SETDB1: variants seen among roughly 807,000 people sequenced by gnomAD.
The protein encoded by SETDB1 is SET domain bifurcated histone lysine methyltransferase 1, also known as histone-lysine N-methyltransferase SETDB1.
SETDB1 carries 31 observed loss-of-function variants against 137.4 expected under a neutral mutation model. The observed-to-expected ratio is 0.23, with a 90% confidence interval of 0.17 to 0.30. SETDB1 has a LOEUF of 0.30. Ranked by LOEUF, SETDB1 falls within the 10% of genes least tolerant of loss-of-function variation. The pLI is 1.00. For missense variants in SETDB1, 1,113 were observed against 1,631.5 expected (o/e 0.68, Z 5.47); for synonymous variants, 548 against 579.9 (o/e 0.95, Z 0.79).
At position 150,957,310 on chromosome 1, in the gene SETDB1, C is replaced by T. The variant is rs1670672753; in HGVS notation, c.2334-1868C>T. Among the ~76,000 whole-genome samples the T allele has an allele frequency of 2.0e-5, 3 of 151,982 alleles. 1 individual carries two copies. In the South Asian group the frequency reaches 6.2e-4, roughly 32 times the overall value. ...TTGAACCCAGGAAGCGGAGGTTGGG[C>T]GACAAAGCGAGACTGTGTCTCAAAA... is the stretch of plus-strand genomic sequence containing the variant. On this transcript the variant is annotated intron_variant, in intron 14 of 21. Transcript: ENST00000692827.
chr1:150,947,149 C>A (rs1670355538), intron 10 of SETDB1, 137 bp downstream of exon 10: 1 of 1,011,474 alleles, frequency 9.9e-7, no homozygotes, highest in South Asian at 1.7e-5. Context: ...TGAGTTGTTT[C>A]CAATCATGGT....
chr1:150,949,214 ACAGCTC>A lies in SETDB1; in HGVS notation c.1363_1368del (p.Ala455_Pro456del), dbSNP rs768967602. On this transcript the variant is annotated inframe_deletion, in exon 11 of 22. Coordinates refer to ENST00000692827, the MANE Select transcript of SETDB1 (RefSeq NM_001366418.1). ...CAAGCCAGTGGAACCCCCACAGCCT[ACAGCTC>A]CACCTGCCCCACCTTTCCCACCTGC... The A allele has an allele frequency of 6.2e-7, 1 of 1,614,094 alleles. No homozygotes were observed. Among genetic ancestry groups the A allele is most frequent in the Admixed American group, 1.7e-5 (1 of 60,006 alleles).
chr1:150,961,209 ACT>A lies in SETDB1; in HGVS notation c.3132+21_3132+22del, dbSNP rs763762186. 61 of 1,610,084 alleles carry A rather than the reference ACT, an allele frequency of 3.8e-5. No individual in the cohort carries two copies. Among genetic ancestry groups the A allele is most frequent in the Middle Eastern group, 2.1e-4 (1 of 4,678 alleles). ...AGAAAGAGGTAAGCAGTGGCAGAAC[ACT>A]CTGAGAGCTATGGCTTTAACTTTGG... On this transcript the variant is annotated intron_variant, in intron 16 of 21. Transcript: ENST00000692827.
Position 150,942,533 on chromosome 1 carries a change from C to A in SETDB1, c.548-30C>A, listed in dbSNP as rs757076318. Reference sequence around the variant, plus strand: ...GTTCTCTACCGAATCTATGTCATAACTCTTGAGAATAACTTTGCTTCTTCT... The same window carrying A: ...GTTCTCTACCGAATCTATGTCATAAATCTTGAGAATAACTTTGCTTCTTCT... On this transcript the variant is annotated intron_variant, in intron 5 of 21. Transcript: ENST00000692827. 5 of 1,595,890 alleles carry A rather than the reference C, an allele frequency of 3.1e-6. No individual in the cohort carries two copies. The Admixed American group carries it at 8.7e-5, about 28-fold the overall frequency.
chr1:150,957,058 A>G (rs907266581), intron 14 of SETDB1, among the ~76,000 whole-genome samples: 1 of 151,602 alleles, frequency 6.6e-6, no homozygotes, highest in African/African-American at 2.4e-5. Context: ...TCAAGGCTGC[A>G]GTGAGCTGTG....
intron 16 of SETDB1, 186 bp downstream of exon 16, chr1:150,961,377 G>T: frequency 1.6e-6 from 1 of 629,314 alleles, no homozygotes; most frequent in Non-Finnish European, 2.8e-6. Flanking sequence ...TATTGACCGG[G>T]CACAGTGGCT....
Position 150,950,639 on chromosome 1 carries a change from C to T in SETDB1, c.1765C>T (p.Pro589Ser), listed in dbSNP as rs1670468716. The T allele has an allele frequency of 6.2e-7, 1 of 1,614,124 alleles. No individual in the cohort carries two copies. The highest frequency in any genetic ancestry group is 1.3e-5 in the African/African-American group (1 of 75,018). Reference sequence around the variant, plus strand: ...CTATACCTGTCTGTCTCGAGTCAGACCTATGAGGAATGAGCAGTACCGGGG... The same window carrying T: ...CTATACCTGTCTGTCTCGAGTCAGATCTATGAGGAATGAGCAGTACCGGGG... ...CSYTCLSRVR[P>S]MRNEQYRGKN... is the part of the protein sequence containing the mutation. Residue 589 changes from proline to serine, a missense_variant, in exon 13 of 22, where the codon CCT becomes TCT. Around this residue, in one of 11 missense-constraint regions of SETDB1, gnomAD observed 192 missense variants for 198.1 expected, o/e 0.97. Transcript: ENST00000692827.
chr1:150,958,826 G>A (rs961034025), intron 14 of SETDB1, among the ~76,000 whole-genome samples: 11 of 151,906 alleles, frequency 7.2e-5, no homozygotes, highest in South Asian at 2.1e-4. Context: ...CAAATTGACC[G>A]TCCATATAGT....
chr1:150,926,798 G>A (rs202068664), intron 1 of SETDB1: 24 of 533,456 alleles, frequency 4.5e-5, no homozygotes, highest in South Asian at 1.1e-4. Context: ...TATTTGGATT[G>A]TGGATATTAG....
intron 3 of SETDB1, among the ~76,000 whole-genome samples, chr1:150,933,385 T>TTTTTA (rs1669828234): frequency 6.7e-6 from 1 of 149,836 alleles, no homozygotes; most frequent in African/African-American, 2.5e-5. Context: ...TTTTTTTTTT[T>TTTTTA]GAGACAGTCT....
At chr1:150,929,810 A>AG (rs1669668551) in intron 2 of SETDB1, among the ~76,000 whole-genome samples, 157 bp from the exon 3 acceptor site, 2 of 152,212 alleles carry the variant, frequency 1.3e-5, no homozygotes, top group Admixed American at 1.3e-4. Context: ...ATTTTTCTAT[A>AG]GAAAAAGCAT....
intron 3 of SETDB1, among the ~76,000 whole-genome samples, chr1:150,937,977 C>A (rs1277695378): frequency 1.3e-5 from 2 of 152,028 alleles, no homozygotes; most frequent in Admixed American, 6.6e-5. Flanking sequence ...TGCCTGTAAT[C>A]CTAGCACTTT....
intron 8 of SETDB1, 54 bp downstream of exon 8, chr1:150,944,047 C>A: frequency 1.7e-6 from 2 of 1,163,046 alleles, no homozygotes; most frequent in Non-Finnish European, 2.6e-6. Context: ...CCTTGTATTT[C>A]TTCTTAGGAC....
In SETDB1 at chr1:150,962,988, G is replaced by A; in HGVS notation, c.3309G>A (p.Leu1103=). The A allele has an allele frequency of 6.2e-7, 1 of 1,613,986 alleles. No homozygotes were observed. Among genetic ancestry groups the A allele is most frequent in the Non-Finnish European group, 8.5e-7 (1 of 1,179,946 alleles). The change falls in exon 19 of 22, where the codon CTG becomes CTA. Residue 1103 remains leucine (L), a synonymous_variant. Transcript: ENST00000692827. The part of the protein sequence containing the change: ...AQSNPDDVLT[L]SSSTESEGES... ...TGCTTCCCCAGGATGTCCTGACACT[G>A]TCCAGCAGCACAGAAAGTGAGGGGG...
chr1:150,928,996 A>T (rs985012192), intron 2 of SETDB1, among the ~76,000 whole-genome samples: 2 of 152,164 alleles, frequency 1.3e-5, no homozygotes, highest in Admixed American at 6.6e-5. Context: ...TCTATCATTG[A>T]TGGACATTTG....
At chr1:150,941,906 C>T (rs587679860) in intron 5 of SETDB1, among the ~76,000 whole-genome samples, 130 of 152,100 alleles carry the variant, frequency 8.5e-4, no homozygotes, top group African/African-American at 2.6e-3. Flanking sequence ...CTTTGGGAGG[C>T]CGAGGTGGGC....
chr1:150,926,793 G>A (rs770025058), intron 1 of SETDB1: 3 of 533,440 alleles, frequency 5.6e-6, no homozygotes, highest in East Asian at 5.4e-5. Flanking sequence ...TGAAGTATTT[G>A]GATTGTGGAT....
At chr1:150,955,706 A>T (rs1320113729) in intron 14 of SETDB1, among the ~76,000 whole-genome samples, 1 of 152,080 alleles carries the variant, frequency 6.6e-6, no homozygotes, top group Non-Finnish European at 1.5e-5. Flanking sequence ...TTTTTCTATT[A>T]TATAAGCTCC....
intron 16 of SETDB1, 135 bp downstream of exon 16, chr1:150,961,326 C>A (rs376137916): frequency 3.3e-6 from 3 of 906,456 alleles, no homozygotes; most frequent in South Asian, 1.6e-5. Context: ...TATCTCTCCC[C>A]CTAACTAGCA....
Sources: gnomAD v4.1 joint callset for allele counts (sites outside exome capture counted in the v4.1 genomes callset) on GRCh38, gnomAD v4.1.1 for gene constraint, gnomAD v4.1.1 regional missense constraint, MANE v1.5 for transcripts, NCBI Gene and HGNC (gene_info 2026-07-23, HGNC 2026-07-21) for gene names.